Variants in SHC3 observed in about 807,000 individuals in gnomAD.
SHC3 encodes SHC adaptor protein 3.
Under a neutral mutation model 60.4 loss-of-function variants are expected in SHC3, and 15 were observed. That is an observed-to-expected ratio of 0.25 (90% CI 0.17 to 0.38). The LOEUF (loss-of-function observed/expected upper bound fraction) is 0.38. SHC3 is among the 10% of genes least tolerant of loss of function. SHC3 has a pLI of 1.00. For missense variants in SHC3, 677 were observed against 786.1 expected (o/e 0.86, Z 1.66); for synonymous variants, 294 against 325.9 (o/e 0.90, Z 1.05).
chr9:89,089,952 A>G (rs1415229551), intron 2 of SHC3, among the ~76,000 whole-genome samples: 1 of 152,192 alleles, frequency 6.6e-6, no homozygotes, highest in African/African-American at 2.4e-5. Flanking sequence ...TCTAGAGGAA[A>G]AACACTAAAC....
At chr9:89,174,246 AC>A (rs897108321) in intron 1 of SHC3, among the ~76,000 whole-genome samples, 7 of 152,216 alleles carry the variant, frequency 4.6e-5, no homozygotes, top group African/African-American at 1.7e-4. Flanking sequence ...GATTTATACC[AC>A]CCCAAATATC....
intron 1 of SHC3, among the ~76,000 whole-genome samples, chr9:89,176,123 C>T (rs544755909): frequency 6.6e-6 from 1 of 152,270 alleles, no homozygotes; most frequent in East Asian, 1.9e-4. Flanking sequence ...GCCATGCACC[C>T]CTCAACCCAT....
chr9:89,140,863 G>A (rs773362820), intron 1 of SHC3, among the ~76,000 whole-genome samples: 4 of 152,150 alleles, frequency 2.6e-5, no homozygotes, highest in Non-Finnish European at 4.4e-5. Context: ...CAGTTCAGTC[G>A]ACTGAGGAGA....
At chr9:89,110,017 T>C (rs1825923023) in intron 2 of SHC3, 10 of 985,420 alleles carry the variant, frequency 1.0e-5, no homozygotes, top group Non-Finnish European at 1.1e-5. Flanking sequence ...AATATACACA[T>C]ACACTGACAT....
intron 6 of SHC3, among the ~76,000 whole-genome samples, chr9:89,061,585 C>G (rs1256636642): frequency 6.6e-6 from 1 of 152,190 alleles, no homozygotes; most frequent in Admixed American, 6.5e-5. Context: ...AGGCTTCTCT[C>G]CCATTGGGTC....
chr9:89,087,832 C>A (rs1165764422), intron 2 of SHC3, among the ~76,000 whole-genome samples: 1 of 152,158 alleles, frequency 6.6e-6, no homozygotes, highest in Non-Finnish European at 1.5e-5. Context: ...TCAGGCAAGG[C>A]AGACCAGCAT....
At chr9:89,055,349 T>G (rs1824931751) in intron 6 of SHC3, among the ~76,000 whole-genome samples, 1 of 152,244 alleles carries the variant, frequency 6.6e-6, no homozygotes, top group South Asian at 2.1e-4. Flanking sequence ...TAAACTGGTG[T>G]GAGGCTTGTT....
chr9:89,097,936 C>G (rs1009077395), intron 2 of SHC3, among the ~76,000 whole-genome samples: 3 of 152,206 alleles, frequency 2.0e-5, no homozygotes, highest in Non-Finnish European at 2.9e-5. Flanking sequence ...ATTTTCTATA[C>G]AGTTGGAACA....
intron 7 of SHC3, among the ~76,000 whole-genome samples, chr9:89,048,665 T>C (rs897551508): frequency 2.0e-5 from 3 of 152,224 alleles, no homozygotes; most frequent in Admixed American, 2.0e-4. Flanking sequence ...ATATGAATTA[T>C]CAATTTTAAA....
intron 1 of SHC3, 70 bp from the exon 2 acceptor site, chr9:89,112,696 AG>A (rs1564153532): frequency 1.4e-6 from 2 of 1,398,922 alleles, no homozygotes; most frequent in African/African-American, 3.0e-5. Context: ...TAACTATACA[AG>A]GGCATTTTTG....
intron 2 of SHC3, among the ~76,000 whole-genome samples, chr9:89,078,440 G>A (rs1825395695): frequency 6.6e-6 from 1 of 152,186 alleles, no homozygotes; most frequent in African/African-American, 2.4e-5. Context: ...AAGGAGAAGA[G>A]GAACTGCAGG....
chr9:89,140,894 C>G (rs535182255), intron 1 of SHC3, among the ~76,000 whole-genome samples: 1 of 152,050 alleles, frequency 6.6e-6, no homozygotes, highest in East Asian at 1.9e-4. Context: ...TCAGAAAGAA[C>G]AAGATTCAAG....
intron 1 of SHC3, among the ~76,000 whole-genome samples, chr9:89,133,348 T>C (rs1826276387): frequency 6.6e-6 from 1 of 152,218 alleles, no homozygotes; most frequent in Non-Finnish European, 1.5e-5. Flanking sequence ...TGGAAGACAC[T>C]GTGGCGATTC....
Position 89,009,219 on chromosome 9 carries a change from TC to T in SHC3, c.*4227del, listed in dbSNP as rs2118622207. ...TCTTACCAAGCTCCCTTCCCTGTGA[TC>T]CTGTGTGGAGCTGACAGTTCTAGGT... On this transcript the variant is annotated 3_prime_UTR_variant, in exon 12 of 12. Coordinates refer to ENST00000375835, the MANE Select transcript of SHC3 (RefSeq NM_016848.6). 1 of 152,388 alleles carries T rather than the reference TC, an allele frequency of 6.6e-6. No individual in the cohort carries two copies. The highest frequency in any genetic ancestry group is 2.1e-4 in the South Asian group (1 of 4,834). The allele number at this position is 152,388 out of a possible 1,614,324, so 9.4% of individuals were successfully genotyped here.
intron 7 of SHC3, 141 bp from the exon 8 acceptor site, chr9:89,047,135 G>A: frequency 1.4e-6 from 1 of 727,214 alleles, no homozygotes; most frequent in South Asian, 4.5e-5. Flanking sequence ...ATGCATAGAT[G>A]AAAAGCAGAT....
At chr9:89,134,109 A>C (rs1826287477) in intron 1 of SHC3, among the ~76,000 whole-genome samples, 1 of 152,118 alleles carries the variant, frequency 6.6e-6, no homozygotes, top group African/African-American at 2.4e-5. Context: ...AAAAGTTGCT[A>C]AAAGTTAACA....
chr9:89,137,684 G>A, intron 1 of SHC3, among the ~76,000 whole-genome samples: 1 of 152,166 alleles, frequency 6.6e-6, no homozygotes, highest in Middle Eastern at 3.2e-3. Context: ...CAGAGTTCCT[G>A]TAACAGAAAT....
At chr9:89,142,936 G>A (rs771269966) in intron 1 of SHC3, among the ~76,000 whole-genome samples, 3 of 152,018 alleles carry the variant, frequency 2.0e-5, no homozygotes, top group Non-Finnish European at 4.4e-5. Flanking sequence ...TGGGTTGGGG[G>A]CTTCCTCAGT....
chr9:89,068,092 C>A (rs982843345), intron 5 of SHC3, among the ~76,000 whole-genome samples: 10 of 152,078 alleles, frequency 6.6e-5, no homozygotes, highest in African/African-American at 2.4e-4. Context: ...GCAGAGCAGG[C>A]AAATATATTA....
Sources: gnomAD v4.1 joint callset for allele counts (sites outside exome capture counted in the v4.1 genomes callset) on GRCh38, gnomAD v4.1.1 for gene constraint, MANE v1.5 for transcripts, NCBI Gene and HGNC (gene_info 2026-07-23, HGNC 2026-07-21) for gene names.